Variants in DAB1 observed in about 807,000 individuals in gnomAD.
The protein encoded by DAB1 is DAB adaptor protein 1.
In DAB1, 15 loss-of-function variants were observed where a neutral mutation model predicts 64.6. The ratio of observed to expected loss-of-function variants is 0.23; its 90% confidence interval spans 0.16 to 0.36. The LOEUF is 0.36. Among genes scored for constraint, DAB1 ranks in the 10% least tolerant of loss-of-function variants. The probability of loss-of-function intolerance (pLI) is 1.00; values close to 1 mark genes in which losing one functional copy is unlikely to be tolerated. For synonymous variants in DAB1, 235 were observed against 251.9 expected, an observed-to-expected ratio of 0.93 and a Z score of 0.64; for missense variants, 596 against 706.7, an observed-to-expected ratio of 0.84 and a Z score of 1.78.
At chr1:58,277,028 T>G (rs995404487) in intron 4 of DAB1, among the ~76,000 whole-genome samples, 1 of 127,990 alleles carries the variant, frequency 7.8e-6, no homozygotes, top group Non-Finnish European at 1.6e-5. Context: ...TTGCAGAGAC[T>G]TTTTTTTTCT....
At chr1:57,196,968 C>G (rs1003910834) in intron 2 of DAB1, among the ~76,000 whole-genome samples, 1 of 152,176 alleles carries the variant, frequency 6.6e-6, no homozygotes, top group African/African-American at 2.4e-5. Flanking sequence ...TCCATTTGAT[C>G]CACACAGCAA....
At chr1:57,531,360 C>T (rs193288184) in intron 7 of DAB1, among the ~76,000 whole-genome samples, 1 of 152,224 alleles carries the variant, frequency 6.6e-6, no homozygotes, top group East Asian at 1.9e-4. Context: ...ATAAAACTGC[C>T]CCACCCCTAT....
At chr1:57,533,265 T>TTTCC in intron 7 of DAB1, among the ~76,000 whole-genome samples, 1 of 152,112 alleles carries the variant, frequency 6.6e-6, no homozygotes, top group Non-Finnish European at 1.5e-5. Flanking sequence ...ATCAGATTTC[T>TTTCC]TTCCTTATGT....
chr1:57,158,604 A>T (rs1411320117), intron 2 of DAB1, among the ~76,000 whole-genome samples: 3 of 152,194 alleles, frequency 2.0e-5, no homozygotes, highest in Non-Finnish European at 4.4e-5. Context: ...GGCCCAGCAG[A>T]CAGATAACTT....
At chr1:57,859,790 C>T (rs1653925699) in intron 1 of DAB1, among the ~76,000 whole-genome samples, 1 of 152,190 alleles carries the variant, frequency 6.6e-6, no homozygotes. Flanking sequence ...GTGAGGAACA[C>T]ATGGACTTCA....
chr1:57,177,823 C>T (rs1216858449), intron 2 of DAB1, among the ~76,000 whole-genome samples: 2 of 152,126 alleles, frequency 1.3e-5, no homozygotes, highest in Non-Finnish European at 2.9e-5. Context: ...AAAATATAAG[C>T]TATATCAGAT....
intron 2 of DAB1, among the ~76,000 whole-genome samples, chr1:57,288,963 G>A (rs886171753): frequency 2.6e-5 from 4 of 152,284 alleles, no homozygotes; most frequent in East Asian, 1.9e-4. Flanking sequence ...GGAAAATGAG[G>A]ATCAGGTTAA....
intron 3 of DAB1, among the ~76,000 whole-genome samples, chr1:58,499,720 A>C (rs1411103376): frequency 3.3e-5 from 5 of 152,154 alleles, no homozygotes; most frequent in Non-Finnish European, 5.9e-5. Flanking sequence ...ACCATTACAC[A>C]ATGTATACAG....
chr1:57,941,098 T>C (rs976661759), intron 5 of DAB1, among the ~76,000 whole-genome samples: 1 of 152,190 alleles, frequency 6.6e-6, no homozygotes, highest in Non-Finnish European at 1.5e-5. Context: ...TTAGGACTCT[T>C]AGGCATGATA....
At chr1:57,646,537 C>T (rs1646193044) in intron 7 of DAB1, among the ~76,000 whole-genome samples, 1 of 152,040 alleles carries the variant, frequency 6.6e-6, no homozygotes, top group Admixed American at 6.6e-5. Context: ...TGCTTGAACC[C>T]AAGAGTTCAA....
intron 1 of DAB1, among the ~76,000 whole-genome samples, chr1:57,843,756 T>C (rs1029633678): frequency 6.6e-6 from 1 of 152,170 alleles, no homozygotes; most frequent in African/African-American, 2.4e-5. Context: ...TTCCCCTATG[T>C]ACCTTCAGGC....
rs149492194 is a variant in DAB1, at chr1:57,691,505, C to T, written n.552-41840G>A. On this transcript the variant is annotated intron_variant and non_coding_transcript_variant, in intron 6 of 20. Transcript: ENST00000485760. ...CCATGCTGTGGAAGCTTTATTCTTT[C>T]GCTCTTCACAATAAATCTTGCTACT... 7.3e-3 allele frequency among the ~76,000 whole-genome samples: 1,115 copies of T among 152,160 alleles called. 14 individuals are homozygous for T. The highest frequency in any genetic ancestry group is 0.025 in the African/African-American group (1,020 of 41,518).
intron 3 of DAB1, among the ~76,000 whole-genome samples, chr1:58,490,418 G>A (rs1157052187): frequency 6.6e-6 from 1 of 152,130 alleles, no homozygotes; most frequent in Non-Finnish European, 1.5e-5. Context: ...AATGAACAAA[G>A]CCTCCAAGAA....
At chr1:58,436,649 G>T (rs12064863) in intron 3 of DAB1, among the ~76,000 whole-genome samples, 171 of 152,278 alleles carry the variant, frequency 1.1e-3, no homozygotes, top group African/African-American at 4.1e-3. Context: ...AGGTTCAGAA[G>T]CTCAAAAAAG....
intron 1 of DAB1, among the ~76,000 whole-genome samples, chr1:57,356,695 G>A (rs566504970): frequency 5.3e-5 from 8 of 152,144 alleles, no homozygotes; most frequent in African/African-American, 1.7e-4. Context: ...TTCAAACGAT[G>A]CAGTTTGTAG....
At chr1:57,260,427 C>T (rs1670093353) in intron 2 of DAB1, among the ~76,000 whole-genome samples, 1 of 152,112 alleles carries the variant, frequency 6.6e-6, no homozygotes, top group Non-Finnish European at 1.5e-5. Context: ...ATGATAAAAC[C>T]AAGGCTTCAT....
intron 3 of DAB1, among the ~76,000 whole-genome samples, chr1:58,471,626 A>G (rs915997629): frequency 6.6e-6 from 1 of 152,176 alleles, no homozygotes; most frequent in African/African-American, 2.4e-5. Context: ...GGTGGGGCCC[A>G]GTGAGAGGTG....
At chr1:57,889,094 T>C (rs139524867) in intron 5 of DAB1, among the ~76,000 whole-genome samples, 367 of 152,340 alleles carry the variant, frequency 2.4e-3, no homozygotes, top group Middle Eastern at 0.01. Flanking sequence ...GTTTCCTTCC[T>C]TTCACGAGCT....
intron 1 of DAB1, among the ~76,000 whole-genome samples, chr1:57,396,211 G>A (rs112966704): frequency 1.4e-3 from 206 of 152,280 alleles, no homozygotes; most frequent in African/African-American, 4.6e-3. Context: ...CACATAAAAG[G>A]TTTGAACACT....
Sources: allele counts gnomAD v4.1 joint callset (sites outside exome capture counted in the v4.1 genomes callset), GRCh38; gene constraint gnomAD v4.1.1; transcripts MANE v1.5; gene names NCBI Gene and HGNC (gene_info 2026-07-23, HGNC 2026-07-21).